TP53RK: variants seen among roughly 807,000 people sequenced by gnomAD.
The protein encoded by TP53RK is EKC/KEOPS complex subunit TP53RK.
TP53RK carries 17 observed loss-of-function variants against 14.9 expected under a neutral mutation model. That is an observed-to-expected ratio of 1.14 (90% CI 0.78 to 1.71). The LOEUF is 1.71. Ranked by LOEUF, TP53RK falls within the 40% of genes most tolerant of loss-of-function variation. TP53RK has a pLI of 0.00. For synonymous variants in TP53RK, 131 were observed against 138.0 expected (o/e 0.95, Z 0.36); for missense variants, 343 against 332.0 (o/e 1.03, Z -0.26).
Position 46,689,404 on chromosome 20 carries a change from G to A in TP53RK, c.11C>T (p.Ala4Val), listed in dbSNP as rs372539814. 104 of 1,555,006 alleles carry A rather than the reference G, an allele frequency of 6.7e-5. No individual in the cohort carries two copies. The highest frequency in any genetic ancestry group is 9.7e-5 in the African/African-American group (7 of 72,424). Residue 4 changes from alanine to valine, a missense_variant, in exon 1 of 2, where the codon GCC (alanine) becomes GTC (valine). Transcript: ENST00000372114. The part of the protein sequence containing the change: MAA[A>V]RATTPADGEE... ...GCCATCGGCCGGCGTAGTAGCTCTG[G>A]CCGCCGCCATGACTGCTCGGCGCAA...
chr20:46,686,785 G>C lies in TP53RK; in HGVS notation c.730C>G (p.Leu244Val). ...ACCATGGACCTCTTTCTTCCTCTCA[G>C]GCGCACTTCATCTAATTTTTTTAGC... ...PVLKKLDEVR[L>V]RGRKRSMVG The change falls in exon 2 of 2, where the codon CTG becomes GTG. Residue 244 changes from leucine (L) to valine (V), a missense_variant. Coordinates refer to ENST00000372114, the MANE Select transcript of TP53RK (RefSeq NM_033550.4). 6.2e-7 allele frequency: 1 copy of C among 1,614,130 alleles called. No homozygotes were observed.
rs764847448 is a variant in TP53RK, at chr20:46,687,379, C to T, written c.284-148G>A. Reference sequence around the variant, plus strand: ...CAGGAAATGGTACAACTGAACTCATCTGGAATATTCCCCTGCTCATGCCCA... The same window carrying T: ...CAGGAAATGGTACAACTGAACTCATTTGGAATATTCCCCTGCTCATGCCCA... On this transcript the variant is annotated intron_variant, in intron 1 of 1. Coordinates refer to ENST00000372114, the MANE Select transcript of TP53RK (RefSeq NM_033550.4). 12 of 769,468 alleles carry T rather than the reference C, an allele frequency of 1.6e-5. No homozygotes were observed. In the African/African-American group the frequency reaches 1.9e-4, roughly 12 times the overall value. 47.7% of individuals were successfully genotyped at this position (769,468 alleles called of 1,614,324 possible).
At position 46,686,703 on chromosome 20, in the gene TP53RK, T is replaced by C. The variant is rs755444766; in HGVS notation, c.*50A>G. 6.9e-7 allele frequency: 1 copy of C among 1,441,930 alleles called. No individual in the cohort carries two copies. The allele number at this position is 1,441,930 out of a possible 1,614,324, so 89.3% of individuals were successfully genotyped here. A position where few individuals can be genotyped will look rare whatever the true frequency, so the allele number is the denominator to read the frequency against. On this transcript the variant is annotated 3_prime_UTR_variant, in exon 2 of 2. Transcript: ENST00000372114. ...CTCATACTTGTAGCATTTCTTCAAATTTACTTTGAAAAAAGAGCTTCACTG... is the reference window on the plus strand; with the variant it reads ...CTCATACTTGTAGCATTTCTTCAAACTTACTTTGAAAAAAGAGCTTCACTG...
intron 1 of TP53RK, among the ~76,000 whole-genome samples, chr20:46,687,649 A>G (rs1251304758): frequency 6.6e-6 from 1 of 151,088 alleles, no homozygotes; most frequent in Non-Finnish European, 1.5e-5. Context: ...TACAAAAATT[A>G]GCCAGGTGTG....
chr20:46,688,608 A>C (rs2063191633), intron 1 of TP53RK, among the ~76,000 whole-genome samples: 1 of 152,264 alleles, frequency 6.6e-6, no homozygotes, highest in South Asian at 2.1e-4. Flanking sequence ...TCTAATGGTC[A>C]CAACATCCCT....
intron 1 of TP53RK, among the ~76,000 whole-genome samples, 170 bp from the exon 2 acceptor site, chr20:46,687,401 C>G (rs1186385835): frequency 1.3e-5 from 2 of 152,132 alleles, no homozygotes; most frequent in African/African-American, 2.4e-5. Context: ...CCTGCTCATG[C>G]CCACTGCAGG....
Position 46,687,245 on chromosome 20 carries a change from A to G in TP53RK, c.284-14T>C. On this transcript the variant is annotated splice_polypyrimidine_tract_variant and intron_variant, in intron 1 of 1. Coordinates refer to ENST00000372114, the MANE Select transcript of TP53RK (RefSeq NM_033550.4). ...GGGCAGATATTCCTGAAATCAAGAC[A>G]TAAGTGGTTATTGGGTTGGATTTTT... is the stretch of plus-strand genomic sequence containing the variant. 4.5e-6 allele frequency: 7 copies of G among 1,556,102 alleles called. No homozygotes were observed. Among genetic ancestry groups the G allele is most frequent in the Non-Finnish European group, 5.2e-6 (6 of 1,153,292 alleles).
Position 46,689,132 on chromosome 20 carries a change from C to G in TP53RK, c.283G>C (p.Gly95Arg), listed in dbSNP as rs1216839008. The G allele has an allele frequency of 1.4e-6, 2 of 1,388,004 alleles. No homozygotes were observed. Among genetic ancestry groups the G allele is most frequent in the Non-Finnish European group, 1.9e-6 (2 of 1,076,478 alleles). 86.0% of individuals were successfully genotyped at this position (1,388,004 alleles called of 1,614,324 possible). The change falls in exon 1 of 2, where the codon GGA becomes CGA. Residue 95 changes from glycine (G) to arginine (R), a missense_variant and splice_region_variant. Gly to Arg is a moderately radical substitution (Grantham distance 125). Coordinates refer to ENST00000372114, the MANE Select transcript of TP53RK (RefSeq NM_033550.4). The stretch of plus-strand genomic sequence containing the variant: ...ACGCCGGGATCCCGGCCCACCTTAC[C>G]AGCGCGGCGACAGCGGAGGAGCGCC... ...ARALLRCRRAGISAPVVFFVD... is the reference protein window; with the variant it reads ...ARALLRCRRARISAPVVFFVD...
intron 1 of TP53RK, among the ~76,000 whole-genome samples, chr20:46,687,459 C>T (rs1266747706): frequency 6.6e-6 from 1 of 152,136 alleles, no homozygotes; most frequent in East Asian, 1.9e-4. Context: ...GCCATAGCTT[C>T]CTCCTCCCTT....
chr20:46,689,076 C>G lies in TP53RK; in HGVS notation c.283+56G>C. ...TTCGGAGCGCAGGGGAGTCCCTCACCCGCCCAGGCCCCAGAGCCTCGGGGC... is the reference window on the plus strand; with the variant it reads ...TTCGGAGCGCAGGGGAGTCCCTCACGCGCCCAGGCCCCAGAGCCTCGGGGC... On this transcript the variant is annotated intron_variant, in intron 1 of 1. Coordinates refer to ENST00000372114, the MANE Select transcript of TP53RK (RefSeq NM_033550.4). 3.0e-6 allele frequency: 4 copies of G among 1,341,320 alleles called. No homozygotes were observed. In the South Asian group the frequency reaches 5.7e-5, roughly 19 times the overall value. The allele number at this position is 1,341,320 out of a possible 1,614,324, so 83.1% of individuals were successfully genotyped here.
Position 46,689,160 on chromosome 20 carries a change from G to A in TP53RK, c.255C>T (p.Ala85=). The change falls in exon 1 of 2, where the codon GCC becomes GCT. Residue 85 remains alanine (A), a synonymous_variant. Coordinates refer to ENST00000372114, the MANE Select transcript of TP53RK (RefSeq NM_033550.4). Reference sequence around the variant, plus strand: ...CGCGGCGACAGCGGAGGAGCGCCCGGGCCTCCTGCACCGTCCGCCGTCTGC... The same window carrying A: ...CGCGGCGACAGCGGAGGAGCGCCCGAGCCTCCTGCACCGTCCGCCGTCTGC... ...RLGRRRTVQE[A]RALLRCRRAG... 2 of 1,430,418 alleles carry A rather than the reference G, an allele frequency of 1.4e-6. No individual in the cohort carries two copies. Among genetic ancestry groups the A allele is most frequent in the Non-Finnish European group, 1.8e-6 (2 of 1,096,952 alleles). 88.6% of individuals were successfully genotyped at this position (1,430,418 alleles called of 1,614,324 possible).
chr20:46,689,033 A>G, intron 1 of TP53RK, 99 bp downstream of exon 1: 1 of 1,241,278 alleles, frequency 8.1e-7, no homozygotes, highest in Non-Finnish European at 1.0e-6. Flanking sequence ...CAGAAGGAGA[A>G]ACTGAGGGAA....
In TP53RK at chr20:46,689,339, G is replaced by T. The variant is rs761561027; in HGVS notation, c.76C>A (p.Arg26=). The part of the protein sequence containing the change: ...APEAEALAAA[R]ERSSRFLSGL... ...CTCAAGAAGCGGCTGCTCCGCTCCCGGGCTGCGGCCAGAGCCTCAGCCTCC... is the reference window on the plus strand; with the variant it reads ...CTCAAGAAGCGGCTGCTCCGCTCCCTGGCTGCGGCCAGAGCCTCAGCCTCC... Residue 26 remains arginine (R), a synonymous_variant, in exon 1 of 2, where the codon CGG becomes AGG. Transcript: ENST00000372114. The T allele has an allele frequency of 6.4e-7, 1 of 1,565,846 alleles. No homozygotes were observed. The highest frequency in any genetic ancestry group is 1.1e-5 in the South Asian group (1 of 87,038).
Position 46,686,806 on chromosome 20 carries a change from T to C in TP53RK, c.709A>G (p.Lys237Glu). 6.2e-7 allele frequency: 1 copy of C among 1,614,240 alleles called. No individual in the cohort carries two copies. Among genetic ancestry groups the C allele is most frequent in the South Asian group, 1.1e-5 (1 of 91,088 alleles). Residue 237 changes from lysine (K) to glutamate (E), a missense_variant, in exon 2 of 2, where the codon AAA (lysine) becomes GAA (glutamate). Lys to Glu is a moderately conservative substitution (Grantham distance 56, BLOSUM62 1). Transcript: ENST00000372114. ...TSSKKARPVLKKLDEVRLRGR... is the reference protein window; with the variant it reads ...TSSKKARPVLEKLDEVRLRGR... Reference sequence around the variant, plus strand: ...CTCAGGCGCACTTCATCTAATTTTTTTAGCACTGGCCTGGCCTTTTTGGAG... The same window carrying C: ...CTCAGGCGCACTTCATCTAATTTTTCTAGCACTGGCCTGGCCTTTTTGGAG...
At chr20:46,688,211 T>TA (rs2063189645) in intron 1 of TP53RK, among the ~76,000 whole-genome samples, 1 of 152,202 alleles carries the variant, frequency 6.6e-6, no homozygotes, top group African/African-American at 2.4e-5. Flanking sequence ...CATGAAATCT[T>TA]AAGTCTCTGA....
At chr20:46,687,369 C>T in intron 1 of TP53RK, 138 bp from the exon 2 acceptor site, 1 of 790,568 alleles carries the variant, frequency 1.3e-6, no homozygotes, top group Non-Finnish European at 2.0e-6. Context: ...AATGGTACAA[C>T]TGAACTCATC....
In TP53RK at chr20:46,686,044, C is replaced by T. The variant is rs2063178859; in HGVS notation, c.*709G>A. 6.6e-6 allele frequency: 1 copy of T among 152,196 alleles called. No individual in the cohort carries two copies. The highest frequency in any genetic ancestry group is 2.4e-5 in the African/African-American group (1 of 41,474). 9.4% of individuals were successfully genotyped at this position (152,196 alleles called of 1,614,324 possible). On this transcript the variant is annotated 3_prime_UTR_variant, in exon 2 of 2. Transcript: ENST00000372114. The stretch of plus-strand genomic sequence containing the variant: ...AACTTAAAAGGAACTTTAGATCAAT[C>T]ACTTGTCTTAGAAGGTAACCACAAA...
rs2063176043 is a variant in TP53RK, at chr20:46,685,367, C to T, written c.*1386G>A. ...GTGTGGAAATTAACAGATTTCTAAA[C>T]AATCAAGGGGTCAAAGAAGAAATCA... On this transcript the variant is annotated 3_prime_UTR_variant, in exon 2 of 2. Transcript: ENST00000372114. 6.6e-6 allele frequency: 1 copy of T among 152,138 alleles called. No homozygotes were observed. The highest frequency in any genetic ancestry group is 1.5e-5 in the Non-Finnish European group (1 of 68,010). 9.4% of individuals were successfully genotyped at this position (152,138 alleles called of 1,614,324 possible).
Position 46,686,823 on chromosome 20 carries a change from T to G in TP53RK, c.692A>C (p.Lys231Thr). 2 of 1,614,150 alleles carry G rather than the reference T, an allele frequency of 1.2e-6. No homozygotes were observed. The highest frequency in any genetic ancestry group is 1.7e-6 in the Non-Finnish European group (2 of 1,180,022). Residue 231 changes from lysine to threonine, a missense_variant, in exon 2 of 2, where the codon AAG becomes ACG. Coordinates refer to ENST00000372114, the MANE Select transcript of TP53RK (RefSeq NM_033550.4). ...TAATTTTTTTAGCACTGGCCTGGCCTTTTTGGAGGAGGTGGAGTAGCTCTT... is the reference window on the plus strand; with the variant it reads ...TAATTTTTTTAGCACTGGCCTGGCCGTTTTGGAGGAGGTGGAGTAGCTCTT... ...FLKSYSTSSK[K>T]ARPVLKKLDE...
Sources: gnomAD v4.1 joint callset for allele counts (sites outside exome capture counted in the v4.1 genomes callset) on GRCh38, gnomAD v4.1.1 for gene constraint, MANE v1.5 for transcripts, NCBI Gene and HGNC (gene_info 2026-07-23, HGNC 2026-07-21) for gene names.